The following PRUNE2 variants were observed in gnomAD, a reference collection of about 807,000 sequenced individuals.
PRUNE2 encodes protein prune homolog 2.
Under a neutral mutation model 252.0 loss-of-function variants are expected in PRUNE2, and 164 were observed. The ratio of observed to expected loss-of-function variants is 0.65; its 90% confidence interval spans 0.57 to 0.74. PRUNE2 has a LOEUF of 0.74. Among genes scored for constraint, PRUNE2 ranks in the 30% least tolerant of loss-of-function variants. The pLI is 0.00. For missense variants in PRUNE2, 3,495 were observed against 3,711.0 expected (o/e 0.94, Z 1.51); for synonymous variants, 1,292 against 1,350.2 (o/e 0.96, Z 0.94).
In PRUNE2 at chr9:76,906,045, G is replaced by T; in HGVS notation, c.-82C>A. 6.7e-7 allele frequency: 1 copy of T among 1,488,192 alleles called. No individual in the cohort carries two copies. Among genetic ancestry groups the T allele is most frequent in the East Asian group, 2.3e-5 (1 of 44,192 alleles). The allele number at this position is 1,488,192 out of a possible 1,614,324, so 92.2% of individuals were successfully genotyped here. ...GCCCAAGGAAGACGAGCGGGGTCCC[G>T]GGAAAGTGGCCCGCCGGGGCGCAGC... On this transcript the variant is annotated 5_prime_UTR_variant, in exon 1 of 19. Coordinates refer to ENST00000376718, the MANE Select transcript of PRUNE2 (RefSeq NM_015225.3).
intron 1 of PRUNE2, among the ~76,000 whole-genome samples, chr9:76,905,615 C>G (rs1412958680): frequency 6.6e-6 from 1 of 152,128 alleles, no homozygotes; most frequent in Non-Finnish European, 1.5e-5. Context: ...AAGACCACAC[C>G]CATTTATCCC....
intron 6 of PRUNE2, among the ~76,000 whole-genome samples, chr9:76,774,454 T>TA (rs1564272499): frequency 1.5e-4 from 8 of 54,532 alleles, no homozygotes; most frequent in African/African-American, 1.4e-3. Context: ...TCAACCCTTT[T>TA]TTTTTTTTTT....
At chr9:76,843,361 T>TA (rs2059498551) in intron 4 of PRUNE2, among the ~76,000 whole-genome samples, 1 of 152,082 alleles carries the variant, frequency 6.6e-6, no homozygotes, top group Admixed American at 6.6e-5. Flanking sequence ...TTAGGAGAAA[T>TA]ACCTAATGTA....
intron 6 of PRUNE2, among the ~76,000 whole-genome samples, chr9:76,757,855 T>C (rs2051301749): frequency 6.6e-6 from 1 of 151,140 alleles, no homozygotes; most frequent in Non-Finnish European, 1.5e-5. Context: ...GGAGGATCCC[T>C]GGGCCCCACC....
chr9:76,652,135 T>G, intron 11 of PRUNE2: 1 of 182,900 alleles, frequency 5.5e-6, no homozygotes, highest in Admixed American at 5.9e-5. Flanking sequence ...AGCTCTGATT[T>G]CTCTTCTTCA....
intron 4 of PRUNE2, among the ~76,000 whole-genome samples, chr9:76,829,218 A>G (rs1404502624): frequency 6.6e-6 from 1 of 152,118 alleles, no homozygotes; most frequent in Non-Finnish European, 1.5e-5. Flanking sequence ...TCCTGGAGAG[A>G]GGGTAAGTGC....
intron 9 of PRUNE2, 65 bp downstream of exon 9, chr9:76,703,272 C>T (rs1205166749): frequency 2.8e-6 from 4 of 1,430,586 alleles, no homozygotes; most frequent in East Asian, 2.3e-5. Context: ...TAACCTCTAA[C>T]CATTTCCCAG....
chr9:76,702,405 G>A (rs149323201), intron 9 of PRUNE2, among the ~76,000 whole-genome samples: 272 of 152,148 alleles, frequency 1.8e-3, no homozygotes, highest in Middle Eastern at 6.8e-3. Context: ...GACTTTCCCC[G>A]TTACTTAAGT....
At chr9:76,752,106 T>TCG (rs1564214165) in intron 6 of PRUNE2, among the ~76,000 whole-genome samples, 1 of 149,514 alleles carries the variant, frequency 6.7e-6, no homozygotes, top group African/African-American at 2.5e-5. Flanking sequence ...GGTTTTTTTT[T>TCG]TTTTTTTTTG....
intron 1 of PRUNE2, among the ~76,000 whole-genome samples, chr9:76,857,979 T>G (rs2060348216): frequency 1.3e-5 from 2 of 152,284 alleles, no homozygotes; most frequent in South Asian, 4.1e-4. Flanking sequence ...ATCTCACATA[T>G]CCACATATTC....
At chr9:76,823,445 C>T (rs946447238) in intron 6 of PRUNE2, 187 bp downstream of exon 6, 7 of 534,408 alleles carry the variant, frequency 1.3e-5, no homozygotes, top group African/African-American at 1.9e-5. Context: ...CCAGGTTTGG[C>T]ATTTTTCATT....
chr9:76,806,538 C>T (rs1357365678), intron 6 of PRUNE2, among the ~76,000 whole-genome samples: 3 of 135,930 alleles, frequency 2.2e-5, no homozygotes, highest in Admixed American at 7.6e-5. Flanking sequence ...GACGGAGTTT[C>T]GCCCTGTCGC....
At chr9:76,732,532 C>A (rs1042138735) in intron 6 of PRUNE2, among the ~76,000 whole-genome samples, 1 of 152,140 alleles carries the variant, frequency 6.6e-6, no homozygotes, top group African/African-American at 2.4e-5. Context: ...CTAAGGATTC[C>A]TTATTTCTTA....
chr9:76,718,407 G>GA (rs1198703136), intron 6 of PRUNE2, among the ~76,000 whole-genome samples: 1 of 151,370 alleles, frequency 6.6e-6, no homozygotes, highest in Non-Finnish European at 1.5e-5. Flanking sequence ...TCATTTCACT[G>GA]AAACTCTCTT....
At chr9:76,726,031 G>A (rs1224706693) in intron 6 of PRUNE2, among the ~76,000 whole-genome samples, 1 of 152,232 alleles carries the variant, frequency 6.6e-6, no homozygotes, top group Admixed American at 6.5e-5. Context: ...AGGTCGTCCT[G>A]CCTCTCCATC....
At chr9:76,684,237 T>C (rs1221145928) in intron 9 of PRUNE2, among the ~76,000 whole-genome samples, 1 of 152,192 alleles carries the variant, frequency 6.6e-6, no homozygotes, top group Non-Finnish European at 1.5e-5. Flanking sequence ...ATCACTCCCC[T>C]TTCCTTCATC....
chr9:76,845,496 G>A (rs896000071), intron 4 of PRUNE2, among the ~76,000 whole-genome samples: 5 of 152,120 alleles, frequency 3.3e-5, no homozygotes, highest in African/African-American at 1.2e-4. Flanking sequence ...CCCATAGAGC[G>A]TTTTTACCGA....
At chr9:76,754,736 G>T (rs953868829) in intron 6 of PRUNE2, among the ~76,000 whole-genome samples, 1 of 152,036 alleles carries the variant, frequency 6.6e-6, no homozygotes, top group South Asian at 2.1e-4. Flanking sequence ...GGAGGCCAAG[G>T]CGGGTAGATC....
Position 76,708,541 on chromosome 9 carries a change from G to C in PRUNE2, c.3733C>G (p.Gln1245Glu), listed in dbSNP as rs754835474. The C allele has an allele frequency of 6.2e-7, 1 of 1,613,914 alleles. No homozygotes were observed. The highest frequency in any genetic ancestry group is 8.5e-7 in the Non-Finnish European group (1 of 1,179,880). ...PGSSHITDSEQRELPPEIPSH... is the reference protein window; with the variant it reads ...PGSSHITDSEERELPPEIPSH... ...GGGATTTCAGGAGGCAATTCCCTTTGCTCTGAATCTGTGATATGTGAGGAG... is the reference window on the plus strand; with the variant it reads ...GGGATTTCAGGAGGCAATTCCCTTTCCTCTGAATCTGTGATATGTGAGGAG... The change falls in exon 8 of 19, where the codon CAA becomes GAA. Residue 1245 changes from glutamine to glutamate, a missense_variant. Transcript: ENST00000376718.
Sources: gnomAD v4.1 joint callset for allele counts (sites outside exome capture counted in the v4.1 genomes callset) on GRCh38, gnomAD v4.1.1 for gene constraint, MANE v1.5 for transcripts, NCBI Gene and HGNC (gene_info 2026-07-23, HGNC 2026-07-21) for gene names.